Variants in CTNNB1 observed in about 807,000 individuals in gnomAD.
CTNNB1 encodes the protein catenin beta 1, also known as catenin beta-1.
CTNNB1 carries 6 observed loss-of-function variants against 82.5 expected under a neutral mutation model. The observed-to-expected ratio is 0.07, with a 90% CI of 0.04 to 0.14. The LOEUF (loss-of-function observed/expected upper bound fraction) is 0.14, where lower values mean the gene tolerates loss of function less well. Ranked by LOEUF, CTNNB1 falls within the 10% of genes least tolerant of loss-of-function variation. The probability of loss-of-function intolerance (pLI) is 1.00; values close to 1 mark genes in which losing one functional copy is unlikely to be tolerated. For missense variants in CTNNB1, 529 were observed against 980.4 expected (o/e 0.54, Z 6.15); for synonymous variants, 312 against 329.7 (o/e 0.95, Z 0.58).
intron 14 of CTNNB1, 29 bp from the exon 15 acceptor site, chr3:41,239,105 C>G (rs894490844): frequency 6.3e-7 from 1 of 1,587,922 alleles, no homozygotes; most frequent in East Asian, 2.2e-5. Context: ...TCCTTCTTGC[C>G]TATTTTGTTG....
At position 41,225,804 on chromosome 3, in the gene CTNNB1, C is replaced by T. The variant is rs2125624621; in HGVS notation, c.879C>T (p.Phe293=). The T allele has an allele frequency of 1.9e-6, 3 of 1,614,042 alleles. No homozygotes were observed. The highest frequency in any genetic ancestry group is 2.5e-6 in the Non-Finnish European group (3 of 1,179,978). Residue 293 remains phenylalanine (F), a synonymous_variant, in exon 6 of 15, where the codon TTC becomes TTT. Coordinates refer to ENST00000349496, the MANE Select transcript of CTNNB1 (RefSeq NM_001904.4). This position sits in a 1 kb window ranked among gnomAD's most constrained non-coding sequence, Gnocchi z 5.3. The part of the protein sequence containing the change: ...VALLNKTNVK[F]LAITTDCLQI... ...TGCTCAACAAAACAAATGTTAAATT[C>T]TTGGCTATTACGACAGACTGCCTTC...
intron 1 of CTNNB1, among the ~76,000 whole-genome samples, chr3:41,208,873 C>CA (rs753860430): frequency 1.9e-4 from 29 of 151,984 alleles, no homozygotes; most frequent in Non-Finnish European, 3.5e-4. Flanking sequence ...TATCCCATTA[C>CA]AAAAAAAATT....
intron 13 of CTNNB1, 87 bp downstream of exon 13, chr3:41,236,796 C>A (rs2125647991): frequency 6.6e-7 from 1 of 1,525,182 alleles, no homozygotes; most frequent in Non-Finnish European, 9.0e-7. Flanking sequence ...ACTTAGTACA[C>A]ATTCATTTGC....
At chr3:41,233,077 A>AG (rs1388636452) in intron 7 of CTNNB1, 8 of 562,728 alleles carry the variant, frequency 1.4e-5, no homozygotes, top group Middle Eastern at 4.8e-4. Flanking sequence ...ATATTACCTA[A>AG]GGGGGACAGT....
chr3:41,232,564 T>C (rs1238955680), intron 7 of CTNNB1, among the ~76,000 whole-genome samples: 1 of 151,960 alleles, frequency 6.6e-6, no homozygotes, highest in African/African-American at 2.4e-5. Context: ...TGAAGATGGA[T>C]GAGCGAAGTT....
intron 1 of CTNNB1, among the ~76,000 whole-genome samples, chr3:41,217,249 C>T (rs138657735): frequency 5.3e-5 from 8 of 152,322 alleles, no homozygotes; most frequent in Admixed American, 5.2e-4. Flanking sequence ...GTCTCTTCCT[C>T]ACAGGCCTTC....
chr3:41,215,276 C>T lies in CTNNB1; in HGVS notation c.-48-8745C>T, dbSNP rs903181187. 7.2e-5 allele frequency among the ~76,000 whole-genome samples: 10 copies of T among 139,274 alleles called. No individual in the cohort carries two copies. In the South Asian group the frequency reaches 1.2e-3, roughly 17 times the overall value. 91.4% of individuals were successfully genotyped at this position (139,274 alleles called of 152,430 possible). A position where few individuals can be genotyped will look rare whatever the true frequency, so the allele number is the denominator to read the frequency against. On this transcript the variant is annotated intron_variant, in intron 1 of 14. Transcript: ENST00000349496. Reference sequence around the variant, plus strand: ...GTGGTGGGCAGTAATCCCAGCTACTCGGGAGGCTGAGGCAGAGAATTGCTT... The same window carrying T: ...GTGGTGGGCAGTAATCCCAGCTACTTGGGAGGCTGAGGCAGAGAATTGCTT...
At position 41,224,742 on chromosome 3, in the gene CTNNB1, A is replaced by G. The variant is rs2078134581; in HGVS notation, c.230A>G (p.Glu77Gly). The change falls in exon 3 of 15, where the codon GAA becomes GGA. Residue 77 changes from glutamate to glycine, a missense_variant. Around this residue, in one of 4 missense-constraint regions of CTNNB1, gnomAD observed 411 missense variants for 776.4 expected, o/e 0.53. Coordinates refer to ENST00000349496, the MANE Select transcript of CTNNB1 (RefSeq NM_001904.4). ...EQGFSQSFTQEQVADIDGQYA... is the reference protein window; with the variant it reads ...EQGFSQSFTQGQVADIDGQYA... Reference sequence around the variant, plus strand: ...GGATTTTCTCAGTCCTTCACTCAAGAACAAGTAGCTGGTAAGAGTATTATT... The same window carrying G: ...GGATTTTCTCAGTCCTTCACTCAAGGACAAGTAGCTGGTAAGAGTATTATT... The G allele has an allele frequency of 1.2e-6, 2 of 1,613,716 alleles. No individual in the cohort carries two copies. The highest frequency in any genetic ancestry group is 8.5e-7 in the Non-Finnish European group (1 of 1,179,722).
chr3:41,232,416 A>G (rs1463530709), intron 7 of CTNNB1, among the ~76,000 whole-genome samples: 2 of 152,026 alleles, frequency 1.3e-5, no homozygotes, highest in African/African-American at 4.8e-5. Flanking sequence ...AAAGTGGAGT[A>G]ACTTACACTA....
At chr3:41,201,570 TG>T (rs2077531208) in intron 1 of CTNNB1, among the ~76,000 whole-genome samples, 1 of 152,094 alleles carries the variant, frequency 6.6e-6, no homozygotes, top group African/African-American at 2.4e-5. Context: ...TTTGAAGTCC[TG>T]GGGGTGGGGA....
At chr3:41,234,085 G>T (rs1224197249) in intron 9 of CTNNB1, 54 bp from the exon 10 acceptor site, 1 of 1,609,006 alleles carries the variant, frequency 6.2e-7, no homozygotes, top group South Asian at 1.1e-5. Context: ...GGAATTTTAG[G>T]GTAAGAAAAT....
At position 41,225,256 on chromosome 3, in the gene CTNNB1, C is replaced by G. The variant is rs2078146299; in HGVS notation, c.495+49C>G. On this transcript the variant is annotated intron_variant, in intron 4 of 14. Coordinates refer to ENST00000349496, the MANE Select transcript of CTNNB1 (RefSeq NM_001904.4). This position sits in a 1 kb window ranked among gnomAD's most constrained non-coding sequence, Gnocchi z 5.3. ...TTTAGTCTGCTTTGAAGTAAATGCT[C>G]AAGGGGAGTAGTTTCAGAATGTCTA... 6.2e-7 allele frequency: 1 copy of G among 1,613,770 alleles called. No individual in the cohort carries two copies. Among genetic ancestry groups the G allele is most frequent in the Non-Finnish European group, 8.5e-7 (1 of 1,179,828 alleles).
chr3:41,212,583 A>G (rs1170556727), intron 1 of CTNNB1, among the ~76,000 whole-genome samples: 1 of 152,168 alleles, frequency 6.6e-6, no homozygotes, highest in African/African-American at 2.4e-5. Context: ...AGCACTGTCC[A>G]GTAATCCACA....
intron 1 of CTNNB1, among the ~76,000 whole-genome samples, chr3:41,211,447 G>A (rs574494453): frequency 1.3e-4 from 20 of 152,044 alleles, no homozygotes; most frequent in South Asian, 4.1e-4. Context: ...AGAGTATATC[G>A]TATGATGCTG....
At chr3:41,221,913 A>G (rs1209211229) in intron 1 of CTNNB1, 2 of 151,332 alleles carry the variant, frequency 1.3e-5, no homozygotes, top group Admixed American at 1.3e-4. Flanking sequence ...ATTTTTTTGT[A>G]CTCTAGGCAG....
At chr3:41,210,901 T>C (rs2077767342) in intron 1 of CTNNB1, 2 of 394,500 alleles carry the variant, frequency 5.1e-6, no homozygotes, top group South Asian at 1.9e-5. Context: ...GTGATCCTCC[T>C]ACCTCAGCCT....
chr3:41,233,390 T>G lies in CTNNB1; in HGVS notation c.1131T>G (p.Leu377=). Residue 377 remains leucine (L), a synonymous_variant, in exon 8 of 15, where the codon CTT becomes CTG. Coordinates refer to ENST00000349496, the MANE Select transcript of CTNNB1 (RefSeq NM_001904.4). ...ACCTGACAGATCCAAGTCAACGTCT[T>G]GTTCAGAACTGTCTTTGGACTCTCA... The part of the protein sequence containing the change: ...GLHLTDPSQR[L]VQNCLWTLRN... The G allele has an allele frequency of 6.2e-7, 1 of 1,614,224 alleles. No individual in the cohort carries two copies. Among genetic ancestry groups the G allele is most frequent in the Non-Finnish European group, 8.5e-7 (1 of 1,180,034 alleles).
rs2125639202 is a variant in CTNNB1 at position 41,233,616 on chromosome 3, T to C, written c.1273T>C (p.Ser425Pro). 6.2e-7 allele frequency: 1 copy of C among 1,614,214 alleles called. No homozygotes were observed. Among genetic ancestry groups the C allele is most frequent in the African/African-American group, 1.3e-5 (1 of 75,064 alleles). ...GGTCACCTGTGCAGCTGGAATTCTT[T>C]CTAACCTCACTTGCAATAATTATAA... is the stretch of plus-strand genomic sequence containing the variant. ...NVVTCAAGIL[S>P]NLTCNNYKNK... Residue 425 changes from serine (S) to proline (P), a missense_variant, in exon 9 of 15, where the codon TCT becomes CCT. By Grantham distance (74) the Ser-to-Pro change is moderately conservative. Coordinates refer to ENST00000349496, the MANE Select transcript of CTNNB1 (RefSeq NM_001904.4).
At chr3:41,210,631 C>A (rs1160635410) in intron 1 of CTNNB1, among the ~76,000 whole-genome samples, 2 of 152,078 alleles carry the variant, frequency 1.3e-5, no homozygotes, top group African/African-American at 4.8e-5. Flanking sequence ...TTCTGGAATA[C>A]CTCTTGAAGG....
Sources: gnomAD v4.1 joint callset for allele counts (sites outside exome capture counted in the v4.1 genomes callset) on GRCh38, gnomAD v4.1.1 for gene constraint, gnomAD v4.1.1 regional missense constraint, Gnocchi (gnomAD v3.1) non-coding constraint, MANE v1.5 for transcripts, NCBI Gene and HGNC (gene_info 2026-07-23, HGNC 2026-07-21) for gene names.